Variants in SAG observed in about 807,000 individuals in gnomAD.
The protein encoded by SAG is S-antigen visual arrestin.
Under a neutral mutation model 55.0 loss-of-function variants are expected in SAG, and 45 were observed. The observed-to-expected ratio is 0.82, with a 90% CI of 0.64 to 1.05. The LOEUF (loss-of-function observed/expected upper bound fraction) is 1.05. SAG is among the 50% of genes least tolerant of loss of function. The probability of loss-of-function intolerance (pLI) is 0.00; values close to 1 mark genes in which losing one functional copy is unlikely to be tolerated. For missense variants in SAG, 455 were observed against 512.1 expected (o/e 0.89, Z 1.08); for synonymous variants, 189 against 197.4 (o/e 0.96, Z 0.36).
intron 2 of SAG, among the ~76,000 whole-genome samples, chr2:233,312,230 C>A (rs1700094322): frequency 6.6e-6 from 1 of 152,180 alleles, no homozygotes; most frequent in African/African-American, 2.4e-5. Context: ...GCAGCCAAAC[C>A]TTTTGAAAGA....
chr2:233,320,359 G>A (rs1350536031), intron 4 of SAG, among the ~76,000 whole-genome samples: 1 of 152,180 alleles, frequency 6.6e-6, no homozygotes, highest in Non-Finnish European at 1.5e-5. Flanking sequence ...GAGGGGACTG[G>A]GTCCTCTGTC....
At chr2:233,313,404 G>T (rs1426448635) in intron 2 of SAG, among the ~76,000 whole-genome samples, 1 of 152,208 alleles carries the variant, frequency 6.6e-6, no homozygotes, top group African/African-American at 2.4e-5. Context: ...AGGCGCTGGG[G>T]TTTATTCCAC....
intron 13 of SAG, among the ~76,000 whole-genome samples, 188 bp from the exon 14 acceptor site, chr2:233,342,083 C>T (rs1396807224): frequency 6.7e-6 from 1 of 149,768 alleles, no homozygotes. Flanking sequence ...GAGATTGCGC[C>T]ACTGCACTCC....
intron 8 of SAG, 152 bp downstream of exon 8, chr2:233,328,765 G>T: frequency 4.9e-6 from 4 of 818,914 alleles, no homozygotes; most frequent in Non-Finnish European, 7.3e-6. Context: ...TAAGTGACTG[G>T]CCTGTTTTCA....
At chr2:233,323,487 C>T (rs1700449400) in intron 6 of SAG, among the ~76,000 whole-genome samples, 1 of 152,066 alleles carries the variant, frequency 6.6e-6, no homozygotes, top group African/African-American at 2.4e-5. Flanking sequence ...CCTCAGCCTC[C>T]CGAGTAGCTG....
chr2:233,314,116 G>A (rs868081937), intron 2 of SAG, among the ~76,000 whole-genome samples: 1 of 151,876 alleles, frequency 6.6e-6, no homozygotes, highest in South Asian at 2.1e-4. Flanking sequence ...CAGCTACCTG[G>A]GAGGCTGAGG....
chr2:233,337,706 C>G (rs1388704654), intron 11 of SAG, among the ~76,000 whole-genome samples: 1 of 152,172 alleles, frequency 6.6e-6, no homozygotes, highest in Middle Eastern at 3.2e-3. Context: ...AACTCTTTTT[C>G]CAGAGCTGTT....
At chr2:233,321,039 G>A (rs1168350949) in intron 5 of SAG, among the ~76,000 whole-genome samples, 2 of 152,062 alleles carry the variant, frequency 1.3e-5, no homozygotes, top group Admixed American at 6.6e-5. Context: ...TCAACCTACC[G>A]TTTACATATT....
Position 233,342,285 on chromosome 2 carries a change from AG to A in SAG, c.1063del (p.Val355SerfsTer23). On this transcript the variant is annotated frameshift_variant, in exon 14 of 16. Transcript: ENST00000409110. LOFTEE classifies it high-confidence loss of function. ...TTTTTTTCTAGTGAAGTCGCCACTG[AG>A]GTCCCATTCCGCCTCATGCACCCTC... ...GELTSSEVAT[E>X]VPFRLMHPQP... 1.2e-6 allele frequency: 2 copies of A among 1,608,512 alleles called. No individual in the cohort carries two copies. Among genetic ancestry groups the A allele is most frequent in the Non-Finnish European group, 1.7e-6 (2 of 1,177,118 alleles).
intron 2 of SAG, among the ~76,000 whole-genome samples, chr2:233,315,230 G>A (rs1047568159): frequency 6.6e-6 from 1 of 150,882 alleles, no homozygotes; most frequent in Non-Finnish European, 1.5e-5. Flanking sequence ...CACCTGGTGG[G>A]ATTTCAGGGG....
rs373106718 is a variant in SAG, at chr2:233,327,092, G to T, written c.436-29G>T. The T allele has an allele frequency of 1.9e-5, 30 of 1,595,996 alleles. No homozygotes were observed. In the East Asian group the frequency reaches 6.3e-4, roughly 33 times the overall value. On this transcript the variant is annotated intron_variant, in intron 6 of 15. Transcript: ENST00000409110. ...GCACCCAGGGAGGGAGTCGCTGATC[G>T]CTGCCTGTCTGCTCTCTCTCCCCAA...
chr2:233,324,857 C>T (rs905672576), intron 6 of SAG, among the ~76,000 whole-genome samples: 2 of 152,042 alleles, frequency 1.3e-5, no homozygotes, highest in Non-Finnish European at 2.9e-5. Context: ...AGGGCATCTG[C>T]GACATCTGAC....
rs548194688 is a variant in SAG, at chr2:233,340,535, C to T, written c.1046+57C>T. 7.4e-5 allele frequency: 105 copies of T among 1,424,470 alleles called. No individual in the cohort carries two copies. The South Asian group carries it at 1.0e-3, about 14-fold the overall frequency. The allele number at this position is 1,424,470 out of a possible 1,614,324, so 88.2% of individuals were successfully genotyped here. On this transcript the variant is annotated intron_variant, in intron 13 of 15. Coordinates refer to ENST00000409110, the MANE Select transcript of SAG (RefSeq NM_000541.5). This position sits in a 1 kb window ranked among gnomAD's most constrained non-coding sequence, Gnocchi z 4.2. Reference sequence around the variant, plus strand: ...TTCTCAAGATATCAAAGGCAGCAAACTTGGGGCTCCAAAACGGTTTCTGAT... The same window carrying T: ...TTCTCAAGATATCAAAGGCAGCAAATTTGGGGCTCCAAAACGGTTTCTGAT...
At chr2:233,313,900 G>C (rs1700146115) in intron 2 of SAG, among the ~76,000 whole-genome samples, 1 of 151,524 alleles carries the variant, frequency 6.6e-6, no homozygotes, top group African/African-American at 2.4e-5. Flanking sequence ...CTGTTTGCTA[G>C]GGTGTAGGCA....
intron 10 of SAG, 116 bp downstream of exon 10, chr2:233,331,828 C>A: frequency 1.3e-6 from 1 of 755,844 alleles, no homozygotes; most frequent in Non-Finnish European, 2.4e-6. Flanking sequence ...CAGCCTTCCA[C>A]TTCCTTCCTC....
intron 10 of SAG, chr2:233,333,718 G>C (rs1237184152): frequency 6.6e-6 from 1 of 152,192 alleles, no homozygotes; most frequent in East Asian, 1.9e-4. Context: ...TCCATCCTCT[G>C]AGCCCAACCC....
chr2:233,321,268 G>T (rs903656649), intron 5 of SAG, among the ~76,000 whole-genome samples: 2 of 152,164 alleles, frequency 1.3e-5, no homozygotes, highest in Non-Finnish European at 2.9e-5. Flanking sequence ...CTGGGGGCCC[G>T]TCTGTCATCC....
chr2:233,345,094 C>T lies in SAG; in HGVS notation c.1103-1309C>T, dbSNP rs1488775625. 6.6e-5 allele frequency: 10 copies of T among 152,136 alleles called. No homozygotes were observed. In the East Asian group the frequency reaches 1.9e-3, roughly 29 times the overall value. 9.4% of individuals were successfully genotyped at this position (152,136 alleles called of 1,614,324 possible). A position where few individuals can be genotyped will look rare whatever the true frequency, so the allele number is the denominator to read the frequency against. On this transcript the variant is annotated intron_variant, in intron 14 of 15. Coordinates refer to ENST00000409110, the MANE Select transcript of SAG (RefSeq NM_000541.5). ...CTGGCTTCCAGGTGGGCACCAGAGGCGAGAGTAGGGGCTCACCATCAAATC... is the reference window on the plus strand; with the variant it reads ...CTGGCTTCCAGGTGGGCACCAGAGGTGAGAGTAGGGGCTCACCATCAAATC...
chr2:233,313,672 A>G (rs2125321888), intron 2 of SAG, among the ~76,000 whole-genome samples: 1 of 150,902 alleles, frequency 6.6e-6, no homozygotes, highest in Non-Finnish European at 1.5e-5. Context: ...CAGCTTCCCA[A>G]GTAGTTGAGA....
Sources: allele counts gnomAD v4.1 joint callset (sites outside exome capture counted in the v4.1 genomes callset), GRCh38; gene constraint gnomAD v4.1.1; non-coding constraint Gnocchi (gnomAD v3.1); transcripts MANE v1.5; gene names NCBI Gene and HGNC (gene_info 2026-07-23, HGNC 2026-07-21).